The following ZMIZ1 variants were observed in gnomAD, a reference collection of about 807,000 sequenced individuals.
ZMIZ1 encodes zinc finger MIZ domain-containing protein 1.
A neutral mutation model predicts 113.9 loss-of-function variants in ZMIZ1; 17 were observed. That is an observed-to-expected ratio of 0.15 (90% CI 0.10 to 0.22). The LOEUF (loss-of-function observed/expected upper bound fraction) is 0.22, where lower values mean the gene tolerates loss of function less well. Ranked by LOEUF, ZMIZ1 falls within the 10% of genes least tolerant of loss-of-function variation. The pLI is 1.00. For missense variants in ZMIZ1, 1,059 were observed against 1,477.8 expected, an observed-to-expected ratio of 0.72 and a Z score of 4.65; for synonymous variants, 607 against 603.1, an observed-to-expected ratio of 1.01 and a Z score of -0.09.
intron 7 of ZMIZ1, among the ~76,000 whole-genome samples, chr10:79,224,065 G>A (rs542324658): frequency 2.0e-5 from 3 of 152,162 alleles, no homozygotes; most frequent in Non-Finnish European, 2.9e-5. Context: ...TTAAAACGAG[G>A]TCTCCAAAGA....
intron 4 of ZMIZ1, among the ~76,000 whole-genome samples, chr10:79,184,341 G>T (rs146939587): frequency 6.6e-6 from 1 of 152,192 alleles, no homozygotes; most frequent in East Asian, 1.9e-4. Context: ...GTGAGAATAG[G>T]CCTTGGAGAC....
intron 1 of ZMIZ1, among the ~76,000 whole-genome samples, chr10:79,108,922 GACC>G (rs1367561650): frequency 1.7e-4 from 26 of 152,028 alleles, no homozygotes; most frequent in African/African-American, 6.3e-4. Flanking sequence ...CATGCACCCA[GACC>G]CACGCCTGAG....
chr10:79,305,306 C>T, intron 20 of ZMIZ1, 75 bp downstream of exon 20: 1 of 1,526,046 alleles, frequency 6.6e-7, no homozygotes, highest in Non-Finnish European at 9.1e-7. Flanking sequence ...TACCTCCCAC[C>T]TCCACCTGCC....
chr10:79,137,283 C>T (rs953959677), intron 2 of ZMIZ1, among the ~76,000 whole-genome samples: 3 of 152,108 alleles, frequency 2.0e-5, no homozygotes, highest in African/African-American at 7.2e-5. Flanking sequence ...TGCAGGCTGG[C>T]CTCTGAGCTG....
intron 8 of ZMIZ1, among the ~76,000 whole-genome samples, chr10:79,279,565 G>A (rs1354832740): frequency 6.6e-5 from 10 of 152,348 alleles, no homozygotes; most frequent in East Asian, 5.8e-4. Flanking sequence ...ACAGGGTGGC[G>A]GCTGGGCAGA....
intron 7 of ZMIZ1, among the ~76,000 whole-genome samples, chr10:79,217,151 C>T (rs1234221320): frequency 6.6e-6 from 1 of 152,306 alleles, no homozygotes; most frequent in South Asian, 2.1e-4. Flanking sequence ...AGGCCGGGCG[C>T]GGTGGCTCAC....
chr10:79,199,804 T>C (rs967364469), intron 4 of ZMIZ1, among the ~76,000 whole-genome samples: 1 of 152,202 alleles, frequency 6.6e-6, no homozygotes, highest in African/African-American at 2.4e-5. Flanking sequence ...ATGAATTACC[T>C]GTTCAGACAC....
intron 18 of ZMIZ1, among the ~76,000 whole-genome samples, chr10:79,303,761 G>A (rs933850349): frequency 1.3e-5 from 2 of 152,234 alleles, no homozygotes; most frequent in Admixed American, 1.3e-4. Flanking sequence ...GCTCTGCAGA[G>A]ACAGGGGAAC....
intron 7 of ZMIZ1, among the ~76,000 whole-genome samples, chr10:79,254,117 C>A (rs1257768717): frequency 6.6e-6 from 1 of 152,220 alleles, no homozygotes; most frequent in Non-Finnish European, 1.5e-5. Context: ...TCCTAGAACT[C>A]CAATTAGGAG....
intron 3 of ZMIZ1, among the ~76,000 whole-genome samples, chr10:79,148,981 C>T (rs145755433): frequency 8.4e-4 from 128 of 152,336 alleles, no homozygotes; most frequent in Non-Finnish European, 1.5e-3. Context: ...CAGTGGCCTG[C>T]GCTGGCAGCC....
chr10:79,150,486 G>A (rs896725544), intron 3 of ZMIZ1, among the ~76,000 whole-genome samples: 1 of 152,334 alleles, frequency 6.6e-6, no homozygotes, highest in South Asian at 2.1e-4. Flanking sequence ...GACCCTTGGG[G>A]ACCTAGCAGG....
At chr10:79,238,919 C>A (rs1229161580) in intron 7 of ZMIZ1, among the ~76,000 whole-genome samples, 1 of 152,222 alleles carries the variant, frequency 6.6e-6, no homozygotes, top group African/African-American at 2.4e-5. Flanking sequence ...ACCAGGAGAG[C>A]AGAGGCCAGG....
intron 5 of ZMIZ1, among the ~76,000 whole-genome samples, chr10:79,207,603 C>T (rs928646428): frequency 3.9e-5 from 6 of 152,208 alleles, no homozygotes; most frequent in African/African-American, 1.4e-4. Context: ...TCGACTCAGA[C>T]TCTGCCTGGC....
In ZMIZ1 at chr10:79,296,439, G is replaced by T. The variant is rs368582112; in HGVS notation, c.1231-32G>T. 3 of 1,611,758 alleles carry T rather than the reference G, an allele frequency of 1.9e-6. No homozygotes were observed. The highest frequency in any genetic ancestry group is 1.7e-5 in the Admixed American group (1 of 59,860). On this transcript the variant is annotated intron_variant, in intron 12 of 24. Transcript: ENST00000334512. The surrounding 1 kb of genome is among the most constrained non-coding windows in gnomAD (Gnocchi z 4.1). ...CTATGTGACGTTGGCAACATTGAACGTGTTTCCCCTCTCCTTTCTCTCCCA... is the reference window on the plus strand; with the variant it reads ...CTATGTGACGTTGGCAACATTGAACTTGTTTCCCCTCTCCTTTCTCTCCCA...
At chr10:79,253,869 G>C in intron 7 of ZMIZ1, among the ~76,000 whole-genome samples, 1 of 152,036 alleles carries the variant, frequency 6.6e-6, no homozygotes, top group East Asian at 1.9e-4. Flanking sequence ...CCCACACACA[G>C]GTACATGCAC....
rs565771967 is a variant in ZMIZ1 at position 79,084,384 on chromosome 10, A to G, written c.-337+15114A>G. Reference sequence around the variant, plus strand: ...CCAGGGCCAGCACAGAGGAGGGAACAAAAACATTTCAGTGTATTCCTGGAG... The same window carrying G: ...CCAGGGCCAGCACAGAGGAGGGAACGAAAACATTTCAGTGTATTCCTGGAG... On this transcript the variant is annotated intron_variant, in intron 1 of 24. Transcript: ENST00000334512. Among the ~76,000 whole-genome samples the G allele has an allele frequency of 3.9e-5, 6 of 152,368 alleles. No individual in the cohort carries two copies. In the East Asian group the frequency reaches 1.2e-3, roughly 29 times the overall value.
intron 3 of ZMIZ1, among the ~76,000 whole-genome samples, chr10:79,151,939 C>T (rs1845728719): frequency 6.6e-6 from 1 of 152,176 alleles, no homozygotes; most frequent in Non-Finnish European, 1.5e-5. Context: ...CTCCTCCCGC[C>T]TGTCTGCCTC....
At chr10:79,184,479 A>T (rs553138504) in intron 4 of ZMIZ1, among the ~76,000 whole-genome samples, 178 of 152,254 alleles carry the variant, frequency 1.2e-3, no homozygotes, top group African/African-American at 4.0e-3. Context: ...GAACTAATTA[A>T]ATGAGATAAT....
intron 3 of ZMIZ1, 93 bp from the exon 4 acceptor site, chr10:79,161,960 T>A (rs1363903606): frequency 1.0e-5 from 4 of 398,566 alleles, no homozygotes; most frequent in Non-Finnish European, 1.8e-5. Context: ...CTCTGTCAGA[T>A]GGGGATGATA....
Sources: allele counts gnomAD v4.1 joint callset (sites outside exome capture counted in the v4.1 genomes callset), GRCh38; gene constraint gnomAD v4.1.1; non-coding constraint Gnocchi (gnomAD v3.1); transcripts MANE v1.5; gene names NCBI Gene and HGNC (gene_info 2026-07-23, HGNC 2026-07-21).